The following SLC7A2 variants were observed in gnomAD, a reference collection of about 807,000 sequenced individuals.
SLC7A2 encodes cationic amino acid transporter 2.
In SLC7A2, 48 loss-of-function variants were observed where a neutral mutation model predicts 58.9. The observed-to-expected ratio is 0.82, with a 90% confidence interval of 0.65 to 1.04. SLC7A2 has a LOEUF of 1.04. Ranked by LOEUF, SLC7A2 falls within the 50% of genes least tolerant of loss-of-function variation. SLC7A2 has a pLI of 0.00. For missense variants in SLC7A2, 1,029 were observed against 818.8 expected (o/e 1.26, Z -3.13); for synonymous variants, 363 against 314.5 (o/e 1.15, Z -1.63).
upstream of SLC7A2, among the ~76,000 whole-genome samples, chr8:17,496,083 G>A (rs550389631): frequency 1.3e-5 from 2 of 152,156 alleles, no homozygotes; most frequent in Non-Finnish European, 2.9e-5. Flanking sequence ...TGGGTTAAAG[G>A]GACGTTTACT....
intron 2 of SLC7A2, among the ~76,000 whole-genome samples, chr8:17,526,806 C>T (rs1801239025): frequency 6.6e-6 from 1 of 152,052 alleles, no homozygotes. Context: ...ACACGTTATG[C>T]CTAACGAACT....
At chr8:17,532,246 A>C (rs949078928) in intron 2 of SLC7A2, among the ~76,000 whole-genome samples, 3 of 124,756 alleles carry the variant, frequency 2.4e-5, no homozygotes, top group East Asian at 2.3e-4. Context: ...AAAAAAAAAA[A>C]AAAAAAAAAA....
chr8:17,527,963 T>C (rs1363147711), intron 2 of SLC7A2, among the ~76,000 whole-genome samples: 1 of 152,108 alleles, frequency 6.6e-6, no homozygotes, highest in Non-Finnish European at 1.5e-5. Flanking sequence ...TAGAGTTCTG[T>C]GAGAACAGGG....
intron 2 of SLC7A2, among the ~76,000 whole-genome samples, chr8:17,534,131 G>A (rs796289815): frequency 3.3e-5 from 5 of 152,210 alleles, no homozygotes; most frequent in African/African-American, 1.2e-4. Flanking sequence ...TCCATAGTGT[G>A]TATATACCAC....
chr8:17,518,716 A>T (rs181199201), intron 2 of SLC7A2, among the ~76,000 whole-genome samples: 1 of 152,146 alleles, frequency 6.6e-6, no homozygotes, highest in Non-Finnish European at 1.5e-5. Context: ...TCATTATATT[A>T]TATTCATTTA....
chr8:17,558,865 T>C (rs1171631282), intron 9 of SLC7A2, among the ~76,000 whole-genome samples: 2 of 152,164 alleles, frequency 1.3e-5, no homozygotes, highest in African/African-American at 4.8e-5. Context: ...GCAAATAAAA[T>C]GGTATTAATT....
Position 17,565,068 on chromosome 8 carries a change from T to A in SLC7A2, c.1899T>A (p.Ser633=), listed in dbSNP as rs762277776. ...TTCATGCAGCAGCAGAAGAAAAATC[T>A]GCCATTCAAGCAAATGACCATCACC... The part of the protein sequence containing the change: ...DNVHAAAEEK[S]AIQANDHHPR... The change falls in exon 13 of 13, where the codon TCT becomes TCA. Residue 633 remains serine, a synonymous_variant. Coordinates refer to ENST00000494857, the MANE Select transcript of SLC7A2 (RefSeq NM_001370338.1). 6.2e-7 allele frequency: 1 copy of A among 1,614,022 alleles called. No individual in the cohort carries two copies. Among genetic ancestry groups the A allele is most frequent in the South Asian group, 1.1e-5 (1 of 91,070 alleles).
chr8:17,497,342 CG>C (rs34066150), intron 1 of SLC7A2, 105 bp downstream of exon 1: 9,884 of 152,266 alleles, frequency 0.065, 393 homozygotes, highest in South Asian at 0.11. Context: ...CTGGGGCCGG[CG>C]GGGAACTAGA....
intron 8 of SLC7A2, chr8:17,555,101 G>T: frequency 6.2e-7 from 1 of 1,612,036 alleles, no homozygotes; most frequent in Non-Finnish European, 8.5e-7. Flanking sequence ...TACAAACTTA[G>T]GTTTCTTGAG....
chr8:17,495,648 C>T (rs1475981027), upstream of SLC7A2, among the ~76,000 whole-genome samples: 4 of 152,198 alleles, frequency 2.6e-5, no homozygotes, highest in Non-Finnish European at 4.4e-5. Context: ...CTCCTGGGCT[C>T]AAGCGATTCT....
chr8:17,554,497 C>T, intron 7 of SLC7A2, 63 bp from the exon 8 acceptor site: 2 of 1,336,954 alleles, frequency 1.5e-6, no homozygotes, highest in Non-Finnish European at 2.0e-6. Context: ...TATTTTATTT[C>T]CGTTCGGGGA....
intron 11 of SLC7A2, among the ~76,000 whole-genome samples, chr8:17,563,191 A>T (rs1803102509): frequency 6.6e-6 from 1 of 152,112 alleles, no homozygotes; most frequent in Admixed American, 6.6e-5. Flanking sequence ...AAGCTCCTCC[A>T]CTGCAAGTTA....
At chr8:17,528,665 A>C (rs1031227504) in intron 2 of SLC7A2, among the ~76,000 whole-genome samples, 1 of 152,134 alleles carries the variant, frequency 6.6e-6, no homozygotes, top group African/African-American at 2.4e-5. Context: ...CCGCCTCCCA[A>C]AGTGCTTGGA....
At chr8:17,542,398 C>G (rs13275900) in intron 2 of SLC7A2, among the ~76,000 whole-genome samples, 1 of 152,064 alleles carries the variant, frequency 6.6e-6, no homozygotes, top group South Asian at 2.1e-4. Context: ...TGCGTGTAAT[C>G]CCAGCACTTT....
At chr8:17,516,416 G>A (rs1162924050) in intron 2 of SLC7A2, among the ~76,000 whole-genome samples, 1 of 152,116 alleles carries the variant, frequency 6.6e-6, no homozygotes, top group Non-Finnish European at 1.5e-5. Flanking sequence ...CAGAGACAGG[G>A]TTTTGCCATG....
intron 2 of SLC7A2, 108 bp from the exon 3 acceptor site, chr8:17,543,209 CA>C: frequency 3.1e-6 from 3 of 979,602 alleles, no homozygotes; most frequent in Non-Finnish European, 4.5e-6. Flanking sequence ...CACACACACA[CA>C]CACACAAACA....
intron 12 of SLC7A2, among the ~76,000 whole-genome samples, chr8:17,563,972 T>C (rs1803147156): frequency 6.6e-6 from 1 of 152,224 alleles, no homozygotes; most frequent in South Asian, 2.1e-4. Flanking sequence ...AGTCATTTTA[T>C]ATCAACCCAA....
At chr8:17,502,110 T>C (rs1225291134) in intron 1 of SLC7A2, 147 bp from the exon 2 acceptor site, 2 of 151,472 alleles carry the variant, frequency 1.3e-5, no homozygotes, top group Non-Finnish European at 2.9e-5. Flanking sequence ...TATAATTATA[T>C]ATATACGTAT....
chr8:17,566,095 C>G lies in SLC7A2; in HGVS notation c.*949C>G, dbSNP rs1408570447. On this transcript the variant is annotated 3_prime_UTR_variant, in exon 13 of 13. Coordinates refer to ENST00000494857, the MANE Select transcript of SLC7A2 (RefSeq NM_001370338.1). ...CTTGAATAAGTAGACCCCAAGCATC[C>G]TTTTCTAAAAAGTGACTTAAAATAA... is the stretch of plus-strand genomic sequence containing the variant. 2.6e-5 allele frequency: 4 copies of G among 152,196 alleles called. No individual in the cohort carries two copies. Among genetic ancestry groups the G allele is most frequent in the African/African-American group, 7.2e-5 (3 of 41,446 alleles). 9.4% of individuals were successfully genotyped at this position (152,196 alleles called of 1,614,324 possible).
Sources: allele counts gnomAD v4.1 joint callset (sites outside exome capture counted in the v4.1 genomes callset), GRCh38; gene constraint gnomAD v4.1.1; transcripts MANE v1.5; gene names NCBI Gene and HGNC (gene_info 2026-07-23, HGNC 2026-07-21).